CYFIP1: variants seen among roughly 807,000 people sequenced by gnomAD.
CYFIP1 encodes cytoplasmic FMR1-interacting protein 1.
Under a neutral mutation model 163.5 loss-of-function variants are expected in CYFIP1, and 58 were observed. The ratio of observed to expected loss-of-function variants is 0.35; its 90% CI spans 0.29 to 0.44. The LOEUF (loss-of-function observed/expected upper bound fraction) is 0.44. Among genes scored for constraint, CYFIP1 ranks in the 20% least tolerant of loss-of-function variants. The probability of loss-of-function intolerance (pLI) is 1.00; values close to 1 mark genes in which losing one functional copy is unlikely to be tolerated. For missense variants in CYFIP1, 1,338 were observed against 1,653.8 expected, an observed-to-expected ratio of 0.81 and a Z score of 3.31; for synonymous variants, 663 against 660.7, an observed-to-expected ratio of 1.00 and a Z score of -0.05.
chr15:22,878,349 C>CCAG (rs1405483353), intron 26 of CYFIP1, among the ~76,000 whole-genome samples: 2 of 152,064 alleles, frequency 1.3e-5, no homozygotes, highest in East Asian at 3.9e-4. Context: ...GATGCCTGGA[C>CCAG]CAGCGAGATG....
chr15:22,915,317 G>A (rs568649019), intron 16 of CYFIP1, among the ~76,000 whole-genome samples: 16 of 152,082 alleles, frequency 1.1e-4, no homozygotes, highest in African/African-American at 3.9e-4. Flanking sequence ...AGAGATGGGG[G>A]TCTCGCCATG....
chr15:22,969,207 C>T (rs192843660), intron 1 of CYFIP1, among the ~76,000 whole-genome samples: 105 of 152,198 alleles, frequency 6.9e-4, no homozygotes, highest in Middle Eastern at 3.4e-3. Flanking sequence ...AAGGTCACAG[C>T]GGCTATCACT....
At position 22,933,284 on chromosome 15, in the gene CYFIP1, G is replaced by A. The variant is rs148388863; in HGVS notation, c.992+518C>T. The stretch of plus-strand genomic sequence containing the variant: ...ATTGAACATTTCAAACGTGGCTGTC[G>A]TAAGGAAATTAAAATTTCAATTGTA... On this transcript the variant is annotated intron_variant, in intron 10 of 30. Transcript: ENST00000617928. 1.1e-4 allele frequency among the ~76,000 whole-genome samples: 16 copies of A among 152,004 alleles called. No homozygotes were observed. The East Asian group carries it at 1.2e-3, about 11-fold the overall frequency.
chr15:22,946,899 T>C, intron 3 of CYFIP1, 104 bp downstream of exon 3: 1 of 971,064 alleles, frequency 1.0e-6, no homozygotes, highest in Non-Finnish European at 1.7e-6. Flanking sequence ...TTCTTCTCTT[T>C]TTCCTCACTG....
chr15:22,937,593 A>ATT (rs1291981229), intron 8 of CYFIP1, among the ~76,000 whole-genome samples: 1 of 141,998 alleles, frequency 7.0e-6, no homozygotes, highest in Non-Finnish European at 1.6e-5. Context: ...CAAACTAAAA[A>ATT]TTCTTTTTTT....
chr15:22,890,770 A>T (rs1374962203), intron 23 of CYFIP1, among the ~76,000 whole-genome samples: 5 of 104,138 alleles, frequency 4.8e-5, no homozygotes, highest in Non-Finnish European at 1.0e-4. Flanking sequence ...GACAGGGTGG[A>T]GGGGCACAGC....
At chr15:22,907,344 C>A (rs7179820) in intron 21 of CYFIP1, among the ~76,000 whole-genome samples, 1 of 151,916 alleles carries the variant, frequency 6.6e-6, no homozygotes, top group Non-Finnish European at 1.5e-5. Context: ...GGGGTGCCAG[C>A]GTTGGCACAG....
intron 17 of CYFIP1, among the ~76,000 whole-genome samples, chr15:22,913,527 C>CAAAAAAAAAAAAAAAAA (rs35228444): frequency 1.9e-4 from 2 of 10,286 alleles, no homozygotes; most frequent in African/African-American, 3.9e-4. Context: ...GGCTCTGTCT[C>CAAAAAAAAAAAAAAAAA]AAAAAAAAAA....
rs765016038 is a variant in CYFIP1 at position 22,937,164 on chromosome 15, G to A, written c.840C>T (p.Asn280=). 9 of 1,613,414 alleles carry A rather than the reference G, an allele frequency of 5.6e-6. No homozygotes were observed. In the South Asian group the frequency reaches 9.9e-5, roughly 18 times the overall value. The change falls in exon 9 of 31, where the codon AAC becomes AAT. Residue 280 remains asparagine (N), a synonymous_variant. Coordinates refer to ENST00000617928, the MANE Select transcript of CYFIP1 (RefSeq NM_014608.6). ...GLYLMDGSVS[N]IYKLDAKKRI... is the part of the protein sequence containing the mutation. The stretch of plus-strand genomic sequence containing the variant: ...TTTTCTTGGCATCCAACTTATAGAT[G>A]TTACTGACACTCCCATCCATCAGGT...
rs1245912933 is a variant in CYFIP1, at chr15:22,868,868, C to G, written c.*1160G>C. The G allele has an allele frequency of 3.3e-5, 5 of 152,198 alleles. No homozygotes were observed. Among genetic ancestry groups the G allele is most frequent in the African/African-American group, 1.2e-4 (5 of 41,428 alleles). The allele number at this position is 152,198 out of a possible 1,614,324, so 9.4% of individuals were successfully genotyped here. The stretch of plus-strand genomic sequence containing the variant: ...ACAATATAAAGTGAGTTCAGTTAAT[C>G]ATGCTGGACTTGTGTTTATCTGTAG... On this transcript the variant is annotated 3_prime_UTR_variant, in exon 31 of 31. Transcript: ENST00000617928.
chr15:22,944,996 G>T, intron 3 of CYFIP1, 57 bp from the exon 4 acceptor site: 1 of 1,462,796 alleles, frequency 6.8e-7, no homozygotes, highest in Non-Finnish European at 9.6e-7. Flanking sequence ...ATGAAAAGCA[G>T]ATGCCAGTTG....
At chr15:22,972,546 A>G (rs2063138516) in intron 1 of CYFIP1, among the ~76,000 whole-genome samples, 1 of 152,222 alleles carries the variant, frequency 6.6e-6, no homozygotes, top group Non-Finnish European at 1.5e-5. Flanking sequence ...GCCTGGAAAT[A>G]AATGCATGCA....
At chr15:22,938,749 A>C (rs955965542) in intron 8 of CYFIP1, among the ~76,000 whole-genome samples, 3 of 151,712 alleles carry the variant, frequency 2.0e-5, no homozygotes, top group African/African-American at 7.3e-5. Context: ...CAAAAAATTT[A>C]AAAATTAGCG....
In CYFIP1 at chr15:22,972,628, C is replaced by T. The variant is rs73426841; in HGVS notation, c.-7+7659G>A. ...AGAAAAGGATAGGTTCTTCAATAAACGGTGTTGAGAAAACTAGATACACAC... is the reference window on the plus strand; with the variant it reads ...AGAAAAGGATAGGTTCTTCAATAAATGGTGTTGAGAAAACTAGATACACAC... On this transcript the variant is annotated intron_variant, in intron 1 of 30. Transcript: ENST00000617928. 4.3e-3 allele frequency among the ~76,000 whole-genome samples: 651 copies of T among 152,258 alleles called. 5 individuals are homozygous for T. Among genetic ancestry groups the T allele is most frequent in the Middle Eastern group, 0.02 (6 of 294 alleles).
Position 22,883,062 on chromosome 15 carries a change from G to C in CYFIP1, c.2677-51C>G. On this transcript the variant is annotated intron_variant, in intron 23 of 30. Transcript: ENST00000617928. ...AGCATGGTCCCCGCACACATGTGCAGATGAAGAACTGTGTGAGAAGATCAC... is the reference window on the plus strand; with the variant it reads ...AGCATGGTCCCCGCACACATGTGCACATGAAGAACTGTGTGAGAAGATCAC... 3.2e-6 allele frequency: 5 copies of C among 1,587,230 alleles called. No individual in the cohort carries two copies. In the South Asian group the frequency reaches 5.6e-5, roughly 18 times the overall value.
Position 22,874,567 on chromosome 15 carries a change from T to TG in CYFIP1, c.3192_3193insC (p.Arg1065GlnfsTer30). On this transcript the variant is annotated frameshift_variant, in exon 28 of 31. Transcript: ENST00000617928. LOFTEE classifies it high-confidence loss of function. The stretch of plus-strand genomic sequence containing the variant: ...CACGTTACCTGAGGGGTCCCCAGTC[T>TG]TTCAATCAGTGGGACAAGATGCAGC... 6.2e-7 allele frequency: 1 copy of TG among 1,604,414 alleles called. No homozygotes were observed. The highest frequency in any genetic ancestry group is 8.5e-7 in the Non-Finnish European group (1 of 1,176,808).
rs372607693 is a variant in CYFIP1, at chr15:22,916,436, A to C, written c.1828+41T>G. The C allele has an allele frequency of 1.9e-5, 27 of 1,451,560 alleles. No homozygotes were observed. In the African/African-American group the frequency reaches 3.6e-4, roughly 19 times the overall value. 89.9% of individuals were successfully genotyped at this position (1,451,560 alleles called of 1,614,324 possible). A position where few individuals can be genotyped will look rare whatever the true frequency, so the allele number is the denominator to read the frequency against. On this transcript the variant is annotated intron_variant, in intron 16 of 30. Transcript: ENST00000617928. ...CATTCTAGACGGTGTTAGTGGTGTT[A>C]GGACATGCCAGGCCGGATGCTGCTC...
chr15:22,879,168 G>A (rs996051295), intron 26 of CYFIP1, among the ~76,000 whole-genome samples: 22 of 151,866 alleles, frequency 1.4e-4, no homozygotes, highest in Admixed American at 5.2e-4. Flanking sequence ...AAAATAGGCC[G>A]AAGAACTCAA....
intron 23 of CYFIP1, among the ~76,000 whole-genome samples, chr15:22,886,809 G>A (rs1245925423): frequency 6.6e-6 from 1 of 152,136 alleles, no homozygotes; most frequent in Admixed American, 6.5e-5. Flanking sequence ...TTGGTCGATG[G>A]TGGTGTTCAG....
Sources: gnomAD v4.1 joint callset for allele counts (sites outside exome capture counted in the v4.1 genomes callset) on GRCh38, gnomAD v4.1.1 for gene constraint, MANE v1.5 for transcripts, NCBI Gene and HGNC (gene_info 2026-07-23, HGNC 2026-07-21) for gene names.